Variants in VTI1A observed in about 807,000 individuals in gnomAD.
VTI1A encodes the protein vesicle transport through interaction with t-SNAREs homolog 1A.
VTI1A carries 22 observed loss-of-function variants against 34.9 expected under a neutral mutation model. The observed-to-expected ratio is 0.63, with a 90% CI of 0.45 to 0.90. The LOEUF (loss-of-function observed/expected upper bound fraction) is 0.90. VTI1A is among the 40% of genes least tolerant of loss of function. The pLI is 0.00. For synonymous variants in VTI1A, 87 were observed against 97.3 expected (o/e 0.89, Z 0.62); for missense variants, 268 against 275.6 (o/e 0.97, Z 0.20).
At chr10:112,727,674 C>T (rs1207577309) in intron 7 of VTI1A, among the ~76,000 whole-genome samples, 4 of 151,988 alleles carry the variant, frequency 2.6e-5, no homozygotes, top group Non-Finnish European at 5.9e-5. Context: ...ATTTACAGGG[C>T]AGAAAAACTA....
At chr10:112,531,604 T>C (rs1850445800) in intron 4 of VTI1A, among the ~76,000 whole-genome samples, 1 of 152,198 alleles carries the variant, frequency 6.6e-6, no homozygotes, top group Admixed American at 6.5e-5. Flanking sequence ...CGTTTTTTGT[T>C]TGGAACCTAT....
chr10:112,492,226 T>G (rs1848850121), intron 3 of VTI1A, among the ~76,000 whole-genome samples: 1 of 152,164 alleles, frequency 6.6e-6, no homozygotes, highest in South Asian at 2.1e-4. Context: ...TTTAGATCAG[T>G]CCCAAAATGT....
intron 7 of VTI1A, among the ~76,000 whole-genome samples, chr10:112,760,092 T>A (rs922566616): frequency 3.3e-5 from 5 of 151,628 alleles, no homozygotes; most frequent in African/African-American, 1.2e-4. Context: ...TATATGGGAG[T>A]CCACACGAAG....
At chr10:112,681,078 C>CTTTTTT (rs11371825) in intron 7 of VTI1A, among the ~76,000 whole-genome samples, 1 of 141,066 alleles carries the variant, frequency 7.1e-6, no homozygotes, top group Non-Finnish European at 1.5e-5. Flanking sequence ...TTTTTCTTTT[C>CTTTTTT]TTTTTTTTTT....
At chr10:112,520,274 G>T (rs1001726269) in intron 3 of VTI1A, among the ~76,000 whole-genome samples, 10 of 151,946 alleles carry the variant, frequency 6.6e-5, no homozygotes, top group Non-Finnish European at 1.2e-4. Flanking sequence ...TAATTTAATT[G>T]TTGATTGACA....
the VTI1A span, among the ~76,000 whole-genome samples, chr10:112,833,936 G>T: frequency 1.3e-5 from 2 of 152,176 alleles, no homozygotes; most frequent in Admixed American, 6.5e-5. Flanking sequence ...CGGAGCTCAG[G>T]ACCGTGAGCC....
intron 7 of VTI1A, among the ~76,000 whole-genome samples, chr10:112,788,609 G>A (rs1852367159): frequency 6.6e-6 from 1 of 152,070 alleles, no homozygotes; most frequent in African/African-American, 2.4e-5. Flanking sequence ...TTTGACTGGA[G>A]TGTTTAGTCC....
chr10:112,712,219 A>G (rs190664985), intron 7 of VTI1A, among the ~76,000 whole-genome samples: 6 of 152,092 alleles, frequency 3.9e-5, no homozygotes, highest in African/African-American at 1.4e-4. Flanking sequence ...TAGGTGTCAC[A>G]CTCTGCAGGC....
In VTI1A at chr10:112,727,641, C is replaced by T. The variant is rs373858529; in HGVS notation, c.560+58643C>T. Among the ~76,000 whole-genome samples the T allele has an allele frequency of 3.3e-5, 5 of 152,168 alleles. No individual in the cohort carries two copies. The East Asian group carries it at 9.7e-4, about 29-fold the overall frequency. On this transcript the variant is annotated intron_variant, in intron 7 of 7. Transcript: ENST00000393077. ...TCAGTGTACATGTTGTATGAATTAA[C>T]AAGTCAGTAACAAATGTGATCCATT... is the stretch of plus-strand genomic sequence containing the variant.
rs1282250915 is a variant in VTI1A, at chr10:112,447,483, G to T, written c.94+16G>T. Reference sequence around the variant, plus strand: ...CTCCCGCCTGGTGAGAGCCTTGCCCGGCTGGACGAGGGTGCTGGGGAGAGC... The same window carrying T: ...CTCCCGCCTGGTGAGAGCCTTGCCCTGCTGGACGAGGGTGCTGGGGAGAGC... On this transcript the variant is annotated intron_variant, in intron 1 of 7. Transcript: ENST00000393077. The T allele has an allele frequency of 3.1e-6, 5 of 1,611,742 alleles. No individual in the cohort carries two copies.
rs150347316 is a variant in VTI1A at position 112,496,796 on chromosome 10, A to G, written c.265-30291A>G. ...CAGCTAAGAACACAAGTTTACTCTG[A>G]ATGTATATGTGATCACAACCACTTA... On this transcript the variant is annotated intron_variant, in intron 3 of 7. Transcript: ENST00000393077. Among the ~76,000 whole-genome samples the G allele has an allele frequency of 7.6e-4, 116 of 152,324 alleles. 1 individual carries two copies. The East Asian group carries it at 0.017, about 23-fold the overall frequency.
At chr10:112,557,668 T>C (rs1370552935) in intron 5 of VTI1A, among the ~76,000 whole-genome samples, 1 of 152,202 alleles carries the variant, frequency 6.6e-6, no homozygotes, top group African/African-American at 2.4e-5. Flanking sequence ...ATATTCACAC[T>C]TGGACAATTG....
intron 7 of VTI1A, among the ~76,000 whole-genome samples, chr10:112,741,084 T>A (rs1185706734): frequency 6.6e-6 from 1 of 152,220 alleles, no homozygotes; most frequent in African/African-American, 2.4e-5. Context: ...TTGTATGGAA[T>A]GTCTGGAATA....
At chr10:112,657,764 A>G (rs1847283702) in intron 5 of VTI1A, among the ~76,000 whole-genome samples, 1 of 152,144 alleles carries the variant, frequency 6.6e-6, no homozygotes, top group Non-Finnish European at 1.5e-5. Flanking sequence ...ATTAGACTTT[A>G]TGAAAGTTAA....
chr10:112,518,585 C>CTATATA lies in VTI1A; in HGVS notation c.265-8501_265-8500insATATAT, dbSNP rs1197557812. Reference sequence around the variant, plus strand: ...TCTCTCTCTCTCTCTCTCTCTCTCTCTCTCTATATATATATATATATATAT... The same window carrying CTATATA: ...TCTCTCTCTCTCTCTCTCTCTCTCTCTATATATCTCTATATATATATATATATATAT... On this transcript the variant is annotated intron_variant, in intron 3 of 7. Transcript: ENST00000393077. 7.9e-5 allele frequency among the ~76,000 whole-genome samples: 7 copies of CTATATA among 88,844 alleles called. No homozygotes were observed. In the East Asian group the frequency reaches 2.0e-3, roughly 25 times the overall value. 58.3% of individuals were successfully genotyped at this position (88,844 alleles called of 152,430 possible).
the VTI1A span, among the ~76,000 whole-genome samples, chr10:112,840,945 A>T: frequency 6.6e-6 from 1 of 152,202 alleles, no homozygotes; most frequent in Non-Finnish European, 1.5e-5. Flanking sequence ...AATTGGGGTT[A>T]GATGCTTAGC....
chr10:112,831,380 G>C, the VTI1A span: 1 of 152,298 alleles, frequency 6.6e-6, no homozygotes, highest in South Asian at 2.1e-4. Flanking sequence ...CTGGGCCATC[G>C]GCCACACCTG....
chr10:112,504,106 A>C (rs904042825), intron 3 of VTI1A, among the ~76,000 whole-genome samples: 2 of 152,222 alleles, frequency 1.3e-5, no homozygotes, highest in Non-Finnish European at 2.9e-5. Flanking sequence ...TACAACCTGA[A>C]GTTCTTGTTG....
the VTI1A span, among the ~76,000 whole-genome samples, chr10:112,839,209 GC>G: frequency 6.6e-6 from 1 of 152,220 alleles, no homozygotes; most frequent in Non-Finnish European, 1.5e-5. Context: ...GGCAGGGCCA[GC>G]CCCTTTCCCT....
Sources: allele counts gnomAD v4.1 joint callset (sites outside exome capture counted in the v4.1 genomes callset), GRCh38; gene constraint gnomAD v4.1.1; transcripts MANE v1.5; gene names NCBI Gene and HGNC (gene_info 2026-07-23, HGNC 2026-07-21).